Variants in MFSD12 observed in about 807,000 individuals in gnomAD.
MFSD12 encodes the protein major facilitator superfamily domain containing 12.
In MFSD12, 67 loss-of-function variants were observed where a neutral mutation model predicts 51.2. The ratio of observed to expected loss-of-function variants is 1.31; its 90% CI spans 1.08 to 1.60. The LOEUF is 1.60. Ranked by LOEUF, MFSD12 falls within the 40% of genes most tolerant of loss-of-function variation. MFSD12 has a pLI of 0.00. For missense variants in MFSD12, 921 were observed against 673.0 expected (o/e 1.37, Z -4.08); for synonymous variants, 441 against 316.7 (o/e 1.39, Z -4.17).
At chr19:3,543,623 A>C, downstream of MFSD12, 1 of 1,544,700 alleles carries the variant, frequency 6.5e-7, no homozygotes, top group Non-Finnish European at 8.7e-7. Flanking sequence ...CCAGGCCCCC[A>C]GCACCCGGTG....
downstream of MFSD12, chr19:3,543,193 C>T (rs557174717): frequency 1.9e-5 from 29 of 1,530,462 alleles, no homozygotes; most frequent in East Asian, 4.9e-5. Flanking sequence ...AAAGCACTCG[C>T]TGTAGACATG....
chr19:3,543,010 T>C (rs754990315), downstream of MFSD12: 3 of 1,601,824 alleles, frequency 1.9e-6, no homozygotes, highest in South Asian at 3.3e-5. Context: ...CTGACTTGGG[T>C]GCTTGGGGTG....
In MFSD12 at chr19:3,547,119, T is replaced by G. The variant is rs545851192; in HGVS notation, c.1023+153A>C. ...TCCCAAAGTGCTGGGATTACAGGCG[T>G]GAGCCACCGTGCCCGGCCTAGATCT... On this transcript the variant is annotated intron_variant, in intron 6 of 9. Coordinates refer to ENST00000355415, the MANE Select transcript of MFSD12 (RefSeq NM_174983.5). Among the ~76,000 whole-genome samples the G allele has an allele frequency of 9.2e-5, 14 of 152,308 alleles. No homozygotes were observed. In the South Asian group the frequency reaches 2.9e-3, roughly 32 times the overall value.
downstream of MFSD12, among the ~76,000 whole-genome samples, chr19:3,540,346 C>A (rs1209239884): frequency 1.3e-5 from 2 of 151,740 alleles, no homozygotes; most frequent in Non-Finnish European, 2.9e-5. Flanking sequence ...CAACCTCCAA[C>A]TCCCTGGTTC....
chr19:3,544,715 G>A lies in MFSD12; in HGVS notation c.1438C>T (p.Pro480Ser). The A allele has an allele frequency of 6.2e-7, 1 of 1,601,562 alleles. No individual in the cohort carries two copies. Among genetic ancestry groups the A allele is most frequent in the South Asian group, 1.1e-5 (1 of 89,234 alleles). ...GTGCAGGAGGCTGTCAGGAGTCAGG[G>A]CCGGGCATCACGGTCCCCTGCAAGG... is the stretch of plus-strand genomic sequence containing the variant. Reference protein sequence around the residue: ...RLRRWDRDARP With the variant: ...RLRRWDRDARS Residue 480 changes from proline to serine, a missense_variant, in exon 10 of 10, where the codon CCC becomes TCC. Transcript: ENST00000355415.
chr19:3,554,669 G>T (rs997947748), intron 1 of MFSD12, among the ~76,000 whole-genome samples: 1 of 152,128 alleles, frequency 6.6e-6, no homozygotes, highest in African/African-American at 2.4e-5. Flanking sequence ...CAAAGTTAAT[G>T]TCCTTCCTTC....
chr19:3,553,004 G>A (rs762721097), intron 1 of MFSD12, among the ~76,000 whole-genome samples: 4 of 152,086 alleles, frequency 2.6e-5, no homozygotes, highest in East Asian at 1.9e-4. Context: ...TCCTCCCTCC[G>A]GAGGTGACCT....
At chr19:3,544,984 C>T (rs550190941) in intron 8 of MFSD12, 45 bp from the exon 9 acceptor site, 2 of 1,549,672 alleles carry the variant, frequency 1.3e-6, no homozygotes, top group Admixed American at 3.7e-5. Flanking sequence ...GGGTACCACC[C>T]CCCCGCCACC....
chr19:3,541,124 A>C (rs1221116711), downstream of MFSD12, among the ~76,000 whole-genome samples: 1 of 136,770 alleles, frequency 7.3e-6, no homozygotes, highest in Non-Finnish European at 1.5e-5. Flanking sequence ...AGCCGAGATC[A>C]GGCCACTGCA....
downstream of MFSD12, chr19:3,539,205 C>T (rs11668417): frequency 3.4e-3 from 5,304 of 1,549,546 alleles, 13 homozygotes; most frequent in Middle Eastern, 7.6e-3. Flanking sequence ...AGAGGCTGCA[C>T]GGCCCTGTAT....
chr19:3,556,707 G>T (rs1367237608), intron 1 of MFSD12, among the ~76,000 whole-genome samples: 1 of 152,014 alleles, frequency 6.6e-6, no homozygotes, highest in African/African-American at 2.4e-5. Flanking sequence ...ACAGACGGGG[G>T]AGGCTCAGGC....
At position 3,546,115 on chromosome 19, in the gene MFSD12, A is replaced by C. The variant is rs754701738; in HGVS notation, c.1248T>G (p.Asn416Lys). The C allele has an allele frequency of 6.2e-7, 1 of 1,613,402 alleles. No individual in the cohort carries two copies. Among genetic ancestry groups the C allele is most frequent in the South Asian group, 1.1e-5 (1 of 91,086 alleles). The change falls in exon 8 of 10, where the codon AAT becomes AAG. Residue 416 changes from asparagine to lysine, a missense_variant. Asn to Lys is a moderately conservative substitution (Grantham distance 94). Coordinates refer to ENST00000355415, the MANE Select transcript of MFSD12 (RefSeq NM_174983.5). The part of the protein sequence containing the change: ...GSMSFLDKVA[N>K]GLAVMAIQSL... The stretch of plus-strand genomic sequence containing the variant: ...TCTGGATGGCCATGACTGCCAGCCC[A>C]TTGGCCACCTTATCCAAGAAGCTCA...
downstream of MFSD12, chr19:3,543,304 C>T (rs746031357): frequency 6.5e-6 from 10 of 1,549,018 alleles, no homozygotes; most frequent in South Asian, 1.2e-4. Context: ...GCTGGAAGTA[C>T]ACGCCCATGG....
downstream of MFSD12, chr19:3,543,680 G>A (rs750035336): frequency 6.2e-4 from 945 of 1,532,286 alleles, 2 homozygotes; most frequent in Non-Finnish European, 5.5e-4. Context: ...CAAGGAATAC[G>A]GTGAGGCTAG....
chr19:3,545,197 C>T (rs1316953624), intron 8 of MFSD12, among the ~76,000 whole-genome samples: 1 of 152,204 alleles, frequency 6.6e-6, no homozygotes, highest in African/African-American at 2.4e-5. Context: ...GCATGGCCCG[C>T]CTGCACCCGC....
chr19:3,547,887 C>A lies in MFSD12; in HGVS notation c.798G>T (p.Leu266=). The A allele has an allele frequency of 1.3e-6, 2 of 1,550,900 alleles. No individual in the cohort carries two copies. Among genetic ancestry groups the A allele is most frequent in the East Asian group, 2.3e-5 (1 of 43,182 alleles). ...GCTCCCGGAGCCAGTGCTTCCAGAGCAGCAGGGGCTGGGCCGTGGCAGGGG... is the reference window on the plus strand; with the variant it reads ...GCTCCCGGAGCCAGTGCTTCCAGAGAAGCAGGGGCTGGGCCGTGGCAGGGG... ...LLAPATAQPL[L]LWKHWLREPA... is the part of the protein sequence containing the mutation. The change falls in exon 4 of 10, where the codon CTG becomes CTT. Residue 266 remains leucine, a synonymous_variant. Coordinates refer to ENST00000355415, the MANE Select transcript of MFSD12 (RefSeq NM_174983.5).
downstream of MFSD12, chr19:3,539,217 C>T: frequency 6.5e-7 from 1 of 1,545,820 alleles, no homozygotes; most frequent in Non-Finnish European, 8.7e-7. Flanking sequence ...GCCCTGTATC[C>T]CCTCGGGGAC....
At chr19:3,547,235 C>G in intron 6 of MFSD12, 37 bp downstream of exon 6, 1 of 1,576,148 alleles carries the variant, frequency 6.3e-7, no homozygotes, top group Non-Finnish European at 8.7e-7. Flanking sequence ...GGCACCCCAT[C>G]CTCCGCCCCA....
chr19:3,549,085 G>A (rs951116688), intron 2 of MFSD12, among the ~76,000 whole-genome samples: 17 of 152,200 alleles, frequency 1.1e-4, no homozygotes, highest in African/African-American at 3.1e-4. Context: ...CTCACGGGGA[G>A]GATTAAAGAA....
Sources: allele counts gnomAD v4.1 joint callset (sites outside exome capture counted in the v4.1 genomes callset), GRCh38; gene constraint gnomAD v4.1.1; transcripts MANE v1.5; gene names NCBI Gene and HGNC (gene_info 2026-07-23, HGNC 2026-07-21).